GRHL3: variants seen among roughly 807,000 people sequenced by gnomAD.
GRHL3 encodes the protein grainyhead like transcription factor 3.
GRHL3 carries 20 observed loss-of-function variants against 70.3 expected under a neutral mutation model. The observed-to-expected ratio is 0.28, with a 90% CI of 0.20 to 0.41. GRHL3 has a LOEUF of 0.41. Among genes scored for constraint, GRHL3 ranks in the 10% least tolerant of loss-of-function variants. The probability of loss-of-function intolerance (pLI) is 1.00; values close to 1 mark genes in which losing one functional copy is unlikely to be tolerated. For missense variants in GRHL3, 637 were observed against 762.3 expected (o/e 0.84, Z 1.94); for synonymous variants, 299 against 299.9 (o/e 1.00, Z 0.03).
At chr1:24,364,308 C>A in exon 16 of GRHL3, 1 of 1,549,862 alleles carries the variant, frequency 6.5e-7, no homozygotes, top group Non-Finnish European at 8.7e-7. Context: ...GGCAGAGGGA[C>A]CTGGATTCAA....
At chr1:24,341,106 C>T (rs1303450952) in intron 8 of GRHL3, among the ~76,000 whole-genome samples, 1 of 152,088 alleles carries the variant, frequency 6.6e-6, no homozygotes, top group Admixed American at 6.5e-5. Context: ...TTCCAAAGAC[C>T]AGGGGCCAGC....
intron 15 of GRHL3, chr1:24,361,035 G>A (rs1557428417): frequency 6.2e-7 from 1 of 1,604,764 alleles, no homozygotes; most frequent in Non-Finnish European, 8.5e-7. Flanking sequence ...TCAGGATGGG[G>A]TTTTTCCTTT....
In GRHL3 at chr1:24,321,360, C is replaced by T. The variant is rs977277111; in HGVS notation, c.17+1792C>T. 2.0e-5 allele frequency among the ~76,000 whole-genome samples: 3 copies of T among 152,358 alleles called. No homozygotes were observed. Among genetic ancestry groups the T allele is most frequent in the African/African-American group, 7.2e-5 (3 of 41,586 alleles). On this transcript the variant is annotated intron_variant, in intron 1 of 15. Transcript: ENST00000361548. This position sits in a 1 kb window ranked among gnomAD's most constrained non-coding sequence, Gnocchi z 4.0. ...AAGCCACCATTTGAGATTACAGTGGCAGAGCCTGGGGGCTCAGCTGCCCCT... is the reference window on the plus strand; with the variant it reads ...AAGCCACCATTTGAGATTACAGTGGTAGAGCCTGGGGGCTCAGCTGCCCCT...
intron 2 of GRHL3, among the ~76,000 whole-genome samples, chr1:24,332,510 G>A (rs753178988): frequency 3.9e-5 from 6 of 152,216 alleles, no homozygotes; most frequent in Non-Finnish European, 7.3e-5. Flanking sequence ...ATTGCAGCCT[G>A]CATTCTCATG....
In GRHL3 at chr1:24,319,515, G is replaced by A. The variant is rs371953685; in HGVS notation, c.-37G>A. On this transcript the variant is annotated 5_prime_UTR_variant, in exon 1 of 16. Transcript: ENST00000361548. ...GAATTAGAGACAAGCGGTCAGCAGA[G>A]CCTCAGTGCTGATCGTCGGAGCTTG... 43 of 1,586,218 alleles carry A rather than the reference G, an allele frequency of 2.7e-5. No homozygotes were observed. The African/African-American group carries it at 5.5e-4, about 20-fold the overall frequency.
At chr1:24,336,258 G>A (rs1266824251) in intron 3 of GRHL3, among the ~76,000 whole-genome samples, 2 of 150,544 alleles carry the variant, frequency 1.3e-5, no homozygotes, top group Admixed American at 6.6e-5. Flanking sequence ...TAAAACAGAT[G>A]TTGCTCCCTT....
intron 1 of GRHL3, among the ~76,000 whole-genome samples, chr1:24,331,167 A>G (rs1447332117): frequency 6.6e-6 from 1 of 152,236 alleles, no homozygotes; most frequent in African/African-American, 2.4e-5. Context: ...AGTCTTGAAG[A>G]TCAGGATGAT....
chr1:24,356,387 C>T (rs1167526155), downstream of GRHL3, among the ~76,000 whole-genome samples: 2 of 152,060 alleles, frequency 1.3e-5, no homozygotes, highest in Non-Finnish European at 2.9e-5. Context: ...TTACACGTGC[C>T]CACCACCATG....
chr1:24,346,250 G>C (rs1640279365), intron 12 of GRHL3, among the ~76,000 whole-genome samples: 1 of 152,132 alleles, frequency 6.6e-6, no homozygotes, highest in Non-Finnish European at 1.5e-5. Context: ...ATGGTCTCCT[G>C]TGGCCTCACA....
At chr1:24,359,688 G>A (rs1640968385), downstream of GRHL3, among the ~76,000 whole-genome samples, 1 of 152,186 alleles carries the variant, frequency 6.6e-6, no homozygotes. The surrounding 1 kb of genome is among the most constrained non-coding windows in gnomAD (Gnocchi z 5.3). Context: ...CTCACAGAAA[G>A]GCTGGGTGTA....
chr1:24,326,747 T>C (rs886218420), intron 1 of GRHL3, among the ~76,000 whole-genome samples: 10 of 152,236 alleles, frequency 6.6e-5, no homozygotes, highest in African/African-American at 2.2e-4. Context: ...TCTTGGAAAG[T>C]AGTAGTTTTT....
At chr1:24,345,399 G>A (rs74062156) in intron 12 of GRHL3, among the ~76,000 whole-genome samples, 3,445 of 150,354 alleles carry the variant, frequency 0.023, 92 homozygotes, top group African/African-American at 0.059. Flanking sequence ...GCAAGCTAGG[G>A]TGTGGGGCCA....
chr1:24,349,978 T>TA, intron 14 of GRHL3, 80 bp from the exon 15 acceptor site: 2 of 1,070,940 alleles, frequency 1.9e-6, no homozygotes, highest in Non-Finnish European at 1.4e-6. Flanking sequence ...AATCAGGAAG[T>TA]AAAAAAAGTG....
chr1:24,331,532 G>A lies in GRHL3; in HGVS notation c.124G>A (p.Ala42Thr), dbSNP rs1289250679. 1.2e-6 allele frequency: 2 copies of A among 1,614,040 alleles called. No individual in the cohort carries two copies. Among genetic ancestry groups the A allele is most frequent in the African/African-American group, 2.7e-5 (2 of 74,922 alleles). Residue 42 changes from alanine (A) to threonine (T), a missense_variant, in exon 2 of 16, where the codon GCT becomes ACT. Transcript: ENST00000361548. Reference protein sequence around the residue: ...WKTYLENPLTAATKAMMRVNG... With the variant: ...WKTYLENPLTTATKAMMRVNG... ...GACGTACCTAGAAAACCCGTTGACA[G>A]CTGCCACAAAGGCCATGATGAGAGT...
At chr1:24,349,987 T>G in intron 14 of GRHL3, 71 bp from the exon 15 acceptor site, 1 of 1,175,806 alleles carries the variant, frequency 8.5e-7, no homozygotes, top group Non-Finnish European at 1.2e-6. Flanking sequence ...GTAAAAAAAG[T>G]GATGGCATAA....
rs941095016 is a variant in GRHL3, at chr1:24,325,988, G to A, written c.18-5438G>A. On this transcript the variant is annotated intron_variant, in intron 1 of 15. Transcript: ENST00000361548. ...TGAGGTACAAGCTCAGTGGCCTTAG[G>A]CAAGCCAGTGGCCCTCTCCATGGCT... Among the ~76,000 whole-genome samples the A allele has an allele frequency of 4.6e-5, 7 of 152,314 alleles. 1 individual carries two copies. The South Asian group carries it at 1.5e-3, about 32-fold the overall frequency.
chr1:24,348,345 G>A (rs773474133), intron 14 of GRHL3, among the ~76,000 whole-genome samples: 3 of 152,288 alleles, frequency 2.0e-5, no homozygotes, highest in Admixed American at 1.3e-4. Flanking sequence ...CACAGCCTCC[G>A]AGAGGTCAGG....
chr1:24,330,906 G>C (rs918619963), intron 1 of GRHL3, among the ~76,000 whole-genome samples: 2 of 152,220 alleles, frequency 1.3e-5, no homozygotes, highest in Non-Finnish European at 2.9e-5. Flanking sequence ...CCCAGACCAG[G>C]TTCTGCCTAA....
At chr1:24,350,005 G>A in intron 14 of GRHL3, 53 bp from the exon 15 acceptor site, 1 of 1,394,888 alleles carries the variant, frequency 7.2e-7, no homozygotes, top group Non-Finnish European at 1.0e-6. Flanking sequence ...TAAAAGACTT[G>A]TATAAATCTA....
Sources: allele counts gnomAD v4.1 joint callset (sites outside exome capture counted in the v4.1 genomes callset), GRCh38; gene constraint gnomAD v4.1.1; non-coding constraint Gnocchi (gnomAD v3.1); transcripts MANE v1.5; gene names NCBI Gene and HGNC (gene_info 2026-07-23, HGNC 2026-07-21).